The following CIP2A variants were observed in gnomAD, a reference collection of about 807,000 sequenced individuals.
CIP2A encodes the protein protein CIP2A.
A neutral mutation model predicts 110.9 loss-of-function variants in CIP2A; 103 were observed. The ratio of observed to expected loss-of-function variants is 0.93; its 90% CI spans 0.79 to 1.09. The LOEUF (loss-of-function observed/expected upper bound fraction) is 1.09. Among genes scored for constraint, CIP2A ranks in the 50% least tolerant of loss-of-function variants. CIP2A has a pLI of 0.00. For missense variants in CIP2A, 1,088 were observed against 1,038.4 expected (o/e 1.05, Z -0.66); for synonymous variants, 381 against 361.6 (o/e 1.05, Z -0.61).
At chr3:108,554,040 C>G (rs1254605645) in intron 18 of CIP2A, among the ~76,000 whole-genome samples, 2 of 151,184 alleles carry the variant, frequency 1.3e-5, no homozygotes, top group African/African-American at 4.8e-5. Flanking sequence ...AGATTACAGG[C>G]ACCCGCCACA....
intron 13 of CIP2A, 149 bp from the exon 14 acceptor site, chr3:108,560,990 C>A: frequency 1.9e-6 from 1 of 535,210 alleles, no homozygotes; most frequent in Non-Finnish European, 3.2e-6. Flanking sequence ...GAAATGAAGT[C>A]TTGGGAAATA....
intron 11 of CIP2A, 45 bp downstream of exon 11, chr3:108,566,451 AT>A: frequency 6.5e-7 from 1 of 1,538,188 alleles, no homozygotes; most frequent in Non-Finnish European, 8.8e-7. Flanking sequence ...ACATCTTTCG[AT>A]TTTTTACTGC....
intron 10 of CIP2A, among the ~76,000 whole-genome samples, chr3:108,567,316 G>A (rs965813407): frequency 2.0e-5 from 3 of 151,662 alleles, no homozygotes; most frequent in Non-Finnish European, 3.0e-5. Context: ...TGCTTTAAAG[G>A]AAGAAAATTA....
At chr3:108,556,538 A>C (rs1352347521) in intron 17 of CIP2A, among the ~76,000 whole-genome samples, 2 of 152,158 alleles carry the variant, frequency 1.3e-5, no homozygotes, top group Non-Finnish European at 2.9e-5. Context: ...CCAAAATATT[A>C]AACTTTTTGA....
intron 13 of CIP2A, among the ~76,000 whole-genome samples, chr3:108,562,370 A>G (rs921198547): frequency 6.6e-6 from 1 of 152,172 alleles, no homozygotes. Context: ...CCATATTCCA[A>G]TAAAACTATT....
chr3:108,552,347 C>T lies in CIP2A; in HGVS notation c.2434G>A (p.Glu812Lys), dbSNP rs1467628781. ...ANLHQKTKVQEEKIKTLQKER... is the reference protein window; with the variant it reads ...ANLHQKTKVQKEKIKTLQKER... Reference sequence around the variant, plus strand: ...TTTTGTAAGGTTTTAATCTTTTCTTCTTGTACTTTTGTTTTTTGATGCAAA... The same window carrying T: ...TTTTGTAAGGTTTTAATCTTTTCTTTTTGTACTTTTGTTTTTTGATGCAAA... The change falls in exon 20 of 21, where the codon GAA (glutamate) becomes AAA (lysine). Residue 812 changes from glutamate (E) to lysine (K), a missense_variant. Physicochemically the swap from Glu to Lys is moderately conservative, Grantham distance 56. Transcript: ENST00000295746. 6.5e-7 allele frequency: 1 copy of T among 1,538,206 alleles called. No individual in the cohort carries two copies.
intron 8 of CIP2A, among the ~76,000 whole-genome samples, chr3:108,575,758 A>G (rs57500477): frequency 0.032 from 950 of 29,486 alleles, 267 homozygotes; most frequent in African/African-American, 0.075. Context: ...ATACATGTGT[A>G]TATATACGTG....
intron 19 of CIP2A, among the ~76,000 whole-genome samples, 187 bp downstream of exon 19, chr3:108,553,461 C>G (rs1159462009): frequency 6.6e-6 from 1 of 151,818 alleles, no homozygotes; most frequent in Non-Finnish European, 1.5e-5. Flanking sequence ...AAAAAACGTA[C>G]CACTTTTTCA....
At chr3:108,578,652 T>C (rs1331993150) in intron 7 of CIP2A, among the ~76,000 whole-genome samples, 1 of 152,172 alleles carries the variant, frequency 6.6e-6, no homozygotes, top group African/African-American at 2.4e-5. Flanking sequence ...TTTCCTAATT[T>C]AGGATGACAA....
chr3:108,569,181 T>TATATATATATATATATATATAC lies in CIP2A; in HGVS notation c.1113+207_1113+208insGTATATATATATATATATATAT. On this transcript the variant is annotated intron_variant, in intron 9 of 20. Transcript: ENST00000295746. ...CTGAAATGAGCACTATATATATATA[T>TATATATATATATATATATATAC]ACATACACACTACTCAGTGAAAAAA... 4.5e-4 allele frequency among the ~76,000 whole-genome samples: 26 copies of TATATATATATATATATATATAC among 58,226 alleles called. 6 individuals are homozygous for TATATATATATATATATATATAC. Among genetic ancestry groups the TATATATATATATATATATATAC allele is most frequent in the Non-Finnish European group, 7.0e-4 (18 of 25,536 alleles). 38.2% of individuals were successfully genotyped at this position (58,226 alleles called of 152,430 possible). A position where few individuals can be genotyped will look rare whatever the true frequency, so the allele number is the denominator to read the frequency against.
chr3:108,586,651 A>T (rs1178068982), intron 1 of CIP2A, among the ~76,000 whole-genome samples: 1 of 152,196 alleles, frequency 6.6e-6, no homozygotes, highest in Non-Finnish European at 1.5e-5. Context: ...TAATAACTCT[A>T]TAAGGTAGGT....
At position 108,589,425 on chromosome 3, in the gene CIP2A, G is replaced by T. The variant is rs746629149; in HGVS notation, c.-50C>A. On this transcript the variant is annotated 5_prime_UTR_variant, in exon 1 of 21. Coordinates refer to ENST00000295746, the MANE Select transcript of CIP2A (RefSeq NM_020890.3). Reference sequence around the variant, plus strand: ...GGACCACCACCGCCCAGCGTGCGCCGGCCTTTAGCTTTCGCCGCGCTTTTT... The same window carrying T: ...GGACCACCACCGCCCAGCGTGCGCCTGCCTTTAGCTTTCGCCGCGCTTTTT... The T allele has an allele frequency of 2.1e-5, 28 of 1,364,164 alleles. No homozygotes were observed. The highest frequency in any genetic ancestry group is 4.4e-5 in the African/African-American group (3 of 68,964). The allele number at this position is 1,364,164 out of a possible 1,614,324, so 84.5% of individuals were successfully genotyped here. A position where few individuals can be genotyped will look rare whatever the true frequency, so the allele number is the denominator to read the frequency against.
At chr3:108,552,553 C>T (rs187580915) in intron 19 of CIP2A, among the ~76,000 whole-genome samples, 180 bp from the exon 20 acceptor site, 1 of 152,016 alleles carries the variant, frequency 6.6e-6, no homozygotes, top group Non-Finnish European at 1.5e-5. Context: ...ATCCTCTGTT[C>T]TAAATATAAT....
intron 1 of CIP2A, among the ~76,000 whole-genome samples, chr3:108,586,032 T>C (rs1330945901): frequency 6.6e-6 from 1 of 152,152 alleles, no homozygotes; most frequent in Non-Finnish European, 1.5e-5. Flanking sequence ...ACAAAGCATA[T>C]CTTTTCTACA....
intron 3 of CIP2A, among the ~76,000 whole-genome samples, chr3:108,582,753 A>G (rs967231765): frequency 1.3e-5 from 2 of 152,208 alleles, no homozygotes; most frequent in African/African-American, 4.8e-5. Context: ...TATAATGTAG[A>G]TTTGTTTTTC....
At chr3:108,558,333 G>A (rs768258093) in intron 16 of CIP2A, among the ~76,000 whole-genome samples, 3 of 152,098 alleles carry the variant, frequency 2.0e-5, no homozygotes, top group Non-Finnish European at 4.4e-5. Flanking sequence ...CACTTATTTT[G>A]ATGCATCTTT....
In CIP2A at chr3:108,568,251, T is replaced by G. The variant is rs1938254181; in HGVS notation, c.1177A>C (p.Ile393Leu). The change falls in exon 10 of 21, where the codon ATC becomes CTC. Residue 393 changes from isoleucine (I) to leucine (L), a missense_variant. Coordinates refer to ENST00000295746, the MANE Select transcript of CIP2A (RefSeq NM_020890.3). ...TCTGTGAACTGAAGTTGATCAAGGATTGTAGGCAGCAGAAGGGTCACAAAA... is the reference window on the plus strand; with the variant it reads ...TCTGTGAACTGAAGTTGATCAAGGAGTGTAGGCAGCAGAAGGGTCACAAAA... ...DRFVTLLLPTILDQLQFTEQN... is the reference protein window; with the variant it reads ...DRFVTLLLPTLLDQLQFTEQN... 4 of 1,612,220 alleles carry G rather than the reference T, an allele frequency of 2.5e-6. No homozygotes were observed. Among genetic ancestry groups the G allele is most frequent in the Non-Finnish European group, 3.4e-6 (4 of 1,178,832 alleles).
intron 18 of CIP2A, among the ~76,000 whole-genome samples, 172 bp from the exon 19 acceptor site, chr3:108,553,902 A>C (rs1218331298): frequency 0.013 from 1,674 of 124,422 alleles, 197 homozygotes; most frequent in African/African-American, 0.046. Flanking sequence ...AATATAAAAA[A>C]AAAAAAAAAA....
At chr3:108,563,104 A>G in intron 13 of CIP2A, 22 bp downstream of exon 13, 1 of 1,445,688 alleles carries the variant, frequency 6.9e-7, no homozygotes, top group Non-Finnish European at 9.7e-7. Flanking sequence ...CAAGAGATAC[A>G]CTGCAAATGA....
Sources: gnomAD v4.1 joint callset for allele counts (sites outside exome capture counted in the v4.1 genomes callset) on GRCh38, gnomAD v4.1.1 for gene constraint, MANE v1.5 for transcripts, NCBI Gene and HGNC (gene_info 2026-07-23, HGNC 2026-07-21) for gene names.